The following CFAP91 variants were observed in gnomAD, a reference collection of about 807,000 sequenced individuals.
CFAP91 encodes the protein cilia- and flagella-associated protein 91.
CFAP91 carries 85 observed loss-of-function variants against 95.9 expected under a neutral mutation model. The ratio of observed to expected loss-of-function variants is 0.89; its 90% CI spans 0.74 to 1.06. The LOEUF is 1.06. CFAP91 is among the 50% of genes least tolerant of loss of function. The pLI is 0.00. For synonymous variants in CFAP91, 335 were observed against 327.5 expected, an observed-to-expected ratio of 1.02 and a Z score of -0.25; for missense variants, 962 against 943.4, an observed-to-expected ratio of 1.02 and a Z score of -0.26.
rs1226653492 is a variant in CFAP91 at position 119,750,950 on chromosome 3, G to A, written c.2157G>A (p.Gln719=). The change falls in exon 17 of 18, where the codon CAG becomes CAA. Residue 719 remains glutamine, a synonymous_variant. Transcript: ENST00000273390. ...ACTTTGGCACAGTGAGGAACGCACA[G>A]CGGAAACATATTCTTGCAGCCCATC... ...YFVKEKVRNA[Q]RKHILAAHQI... is the part of the protein sequence containing the mutation. 6.2e-7 allele frequency: 1 copy of A among 1,613,858 alleles called. No homozygotes were observed. The highest frequency in any genetic ancestry group is 8.5e-7 in the Non-Finnish European group (1 of 1,179,900).
intron 15 of CFAP91, chr3:119,747,497 G>A (rs950412692): frequency 1.8e-5 from 10 of 560,574 alleles, no homozygotes; most frequent in Non-Finnish European, 3.1e-6. Context: ...AAGAATACTC[G>A]GAAGCATGAA....
Position 119,747,242 on chromosome 3 carries a change from T to C in CFAP91, c.2030T>C (p.Ile677Thr). 1 of 1,613,492 alleles carries C rather than the reference T, an allele frequency of 6.2e-7. No homozygotes were observed. The highest frequency in any genetic ancestry group is 8.5e-7 in the Non-Finnish European group (1 of 1,179,738). The change falls in exon 15 of 18, where the codon ATT becomes ACT. Residue 677 changes from isoleucine (I) to threonine (T), a missense_variant. Transcript: ENST00000273390. The stretch of plus-strand genomic sequence containing the variant: ...AAGATGGCTGAGAAAATCAATGACA[T>C]TGCTTATGAAATGGAAAGCCGGTGT... ...IEKMAEKIND[I>T]AYEMESRRTY...
intron 6 of CFAP91, among the ~76,000 whole-genome samples, chr3:119,716,257 A>G (rs2053572284): frequency 6.6e-6 from 1 of 152,272 alleles, no homozygotes; most frequent in Non-Finnish European, 1.5e-5. Context: ...CTTAGAATGT[A>G]ATAAAATCTG....
At position 119,733,498 on chromosome 3, in the gene CFAP91, G is replaced by T. The variant is rs149820036; in HGVS notation, c.1336G>T (p.Val446Phe). 1.9e-5 allele frequency: 30 copies of T among 1,612,824 alleles called. No homozygotes were observed. The South Asian group carries it at 2.6e-4, about 14-fold the overall frequency. ...AAGGTTGGACTATGAGTTGGCAGAG[G>T]TTCATAAGGTATAATCATTATCTGG... ...AARLDYELAE[V>F]HKALLDKKNK... is the part of the protein sequence containing the mutation. The change falls in exon 10 of 18, where the codon GTT (valine) becomes TTT (phenylalanine). Residue 446 changes from valine to phenylalanine, a missense_variant. Transcript: ENST00000273390.
rs1559761130 is a variant in CFAP91 at position 119,738,330 on chromosome 3, G to GTTTTTTTTT, written c.1461+849_1461+850insTTTTTTTTT. Among the ~76,000 whole-genome samples, 22 of 23,700 alleles carry GTTTTTTTTT rather than the reference G, an allele frequency of 9.3e-4. 1 individual carries two copies. Among genetic ancestry groups the GTTTTTTTTT allele is most frequent in the Non-Finnish European group, 2.2e-3 (18 of 8,208 alleles). The allele number at this position is 23,700 out of a possible 152,430, so 15.5% of individuals were successfully genotyped here. A position where few individuals can be genotyped will look rare whatever the true frequency, so the allele number is the denominator to read the frequency against. On this transcript the variant is annotated intron_variant, in intron 11 of 17. Transcript: ENST00000273390. ...TGTGCAGGGCTTTGGTTGACATATTGTCTTTTTTTTTTTTTTTTTTTTTTT... is the reference window on the plus strand; with the variant it reads ...TGTGCAGGGCTTTGGTTGACATATTGTTTTTTTTTTCTTTTTTTTTTTTTTTTTTTTTTT...
In CFAP91 at chr3:119,759,883, C is replaced by T. The variant is rs1387205659; in HGVS notation, c.*2-5169C>T. ...AAACAAAAAACCTATATTAAATACACAAAAGGTGAAGAGTAAGAAATCAAG... is the reference window on the plus strand; with the variant it reads ...AAACAAAAAACCTATATTAAATACATAAAAGGTGAAGAGTAAGAAATCAAG... On this transcript the variant is annotated intron_variant, in intron 17 of 17. Transcript: ENST00000273390. 2.0e-5 allele frequency among the ~76,000 whole-genome samples: 3 copies of T among 151,728 alleles called. No individual in the cohort carries two copies. In the East Asian group the frequency reaches 5.8e-4, roughly 29 times the overall value.
At chr3:119,723,025 C>T (rs1413963104) in intron 6 of CFAP91, among the ~76,000 whole-genome samples, 1 of 152,186 alleles carries the variant, frequency 6.6e-6, no homozygotes, top group African/African-American at 2.4e-5. Context: ...TTCCCACTCT[C>T]AATATAACTA....
chr3:119,708,594 T>C lies in CFAP91; in HGVS notation c.363T>C (p.Thr121=). 1 of 1,593,188 alleles carries C rather than the reference T, an allele frequency of 6.3e-7. No individual in the cohort carries two copies. The highest frequency in any genetic ancestry group is 1.3e-5 in the African/African-American group (1 of 74,162). ...ATGTTTTCTTGCTTCATTTTAGAAC[T>C]GACGCTTCTTTTCAGATGCCTAAAG... ...HREALRQLTT[T]DASFQMPKEV... Residue 121 remains threonine, a synonymous_variant, in exon 4 of 18, where the codon ACT becomes ACC. Transcript: ENST00000273390.
chr3:119,731,164 G>C (rs1254325091), intron 8 of CFAP91, among the ~76,000 whole-genome samples: 1 of 152,166 alleles, frequency 6.6e-6, no homozygotes, highest in African/African-American at 2.4e-5. Flanking sequence ...TTGAGCCCAG[G>C]AGCTCAAGGC....
intron 13 of CFAP91, 195 bp downstream of exon 13, chr3:119,740,890 T>C (rs893367528): frequency 3.3e-6 from 2 of 611,108 alleles, no homozygotes; most frequent in Non-Finnish European, 5.5e-6. Context: ...AGTTTCACTC[T>C]ATCGCCCAGG....
chr3:119,704,011 G>A lies in CFAP91; in HGVS notation c.124+789G>A, dbSNP rs193173771. Among the ~76,000 whole-genome samples the A allele has an allele frequency of 5.8e-4, 88 of 152,298 alleles. 1 individual carries two copies. Among genetic ancestry groups the A allele is most frequent in the Middle Eastern group, 3.4e-3 (1 of 294 alleles). On this transcript the variant is annotated intron_variant, in intron 1 of 17. Transcript: ENST00000273390. ...AACCTTGCATTGCTTTCAGCAATGT[G>A]GTGTTGCCTCTGGGAATCCCAGTCT...
chr3:119,705,519 A>G (rs960987814), intron 1 of CFAP91, among the ~76,000 whole-genome samples: 4 of 152,156 alleles, frequency 2.6e-5, no homozygotes, highest in Non-Finnish European at 4.4e-5. Flanking sequence ...CAGATGTATC[A>G]GGCATGCTCC....
At chr3:119,744,535 A>G (rs1041216150) in intron 14 of CFAP91, among the ~76,000 whole-genome samples, 1 of 152,216 alleles carries the variant, frequency 6.6e-6, no homozygotes, top group Admixed American at 6.5e-5. Flanking sequence ...CAGAGGGGGA[A>G]CAAGGCGGCC....
intron 1 of CFAP91, chr3:119,706,021 A>G (rs1270325664): frequency 6.6e-6 from 1 of 152,236 alleles, no homozygotes; most frequent in African/African-American, 2.4e-5. Context: ...CTATGGAGAA[A>G]TATGTGTTAC....
At chr3:119,735,823 T>G (rs955419852) in intron 10 of CFAP91, among the ~76,000 whole-genome samples, 10 of 152,230 alleles carry the variant, frequency 6.6e-5, no homozygotes, top group African/African-American at 2.4e-4. Flanking sequence ...AATACTTTTT[T>G]ACTTTTATTG....
chr3:119,732,446 GT>G lies in CFAP91; in HGVS notation c.1172del (p.Val391GlufsTer12). On this transcript the variant is annotated frameshift_variant, in exon 9 of 18. Transcript: ENST00000273390. LOFTEE classifies it high-confidence loss of function. ...AGACAACAACTCAGAGGACTTTGTA[GT>G]AAAAAACTACTATCTCAACACCTAT... ...FPDNNSEDFV[V>X]KNYYLNTYEG... The G allele has an allele frequency of 1.2e-6, 2 of 1,605,954 alleles. No individual in the cohort carries two copies. Among genetic ancestry groups the G allele is most frequent in the Non-Finnish European group, 1.7e-6 (2 of 1,177,498 alleles).
chr3:119,737,522 A>G (rs895213849), intron 11 of CFAP91, 40 bp downstream of exon 11: 4 of 1,187,236 alleles, frequency 3.4e-6, no homozygotes, highest in Admixed American at 3.8e-5. Context: ...TAAATTCAAT[A>G]TCATTGTCAG....
At chr3:119,756,304 G>A (rs1288951442) in intron 17 of CFAP91, among the ~76,000 whole-genome samples, 1 of 152,158 alleles carries the variant, frequency 6.6e-6, no homozygotes, top group Non-Finnish European at 1.5e-5. Context: ...TCAATATATT[G>A]AAATAGTAAA....
At chr3:119,728,366 A>T (rs1209283834) in intron 7 of CFAP91, among the ~76,000 whole-genome samples, 1 of 152,190 alleles carries the variant, frequency 6.6e-6, no homozygotes, top group Non-Finnish European at 1.5e-5. Flanking sequence ...GAGGCCCAGC[A>T]ATCTGTGTCA....
Sources: gnomAD v4.1 joint callset for allele counts (sites outside exome capture counted in the v4.1 genomes callset) on GRCh38, gnomAD v4.1.1 for gene constraint, MANE v1.5 for transcripts, NCBI Gene and HGNC (gene_info 2026-07-23, HGNC 2026-07-21) for gene names.